CCNB3: variants seen among roughly 807,000 people sequenced by gnomAD.
CCNB3 encodes G2/mitotic-specific cyclin-B3.
A neutral mutation model predicts 68.0 loss-of-function variants in CCNB3; 12 were observed. The observed-to-expected ratio is 0.18, with a 90% CI of 0.11 to 0.29. The LOEUF (loss-of-function observed/expected upper bound fraction) is 0.29, where lower values mean the gene tolerates loss of function less well. Among genes scored for constraint, CCNB3 ranks in the 10% least tolerant of loss-of-function variants. CCNB3 has a pLI of 1.00. For missense variants in CCNB3, 904 were observed against 993.1 expected (o/e 0.91, Z 1.21); for synonymous variants, 354 against 388.9 (o/e 0.91, Z 1.06).
At chrX:50,305,298 A>G in intron 5 of CCNB3, among the ~76,000 whole-genome samples, 1 of 112,113 alleles carries the variant, frequency 8.9e-6, no homozygotes, top group Non-Finnish European at 1.9e-5. Context: ...AATGTGGCAT[A>G]TATACACCAT....
At position 50,308,686 on chromosome X, in the gene CCNB3, A is replaced by G. The variant is rs782168893; in HGVS notation, c.517A>G (p.Asn173Asp). The change falls in exon 6 of 13, where the codon AAT (asparagine) becomes GAT (aspartate). Residue 173 changes from asparagine to aspartate, a missense_variant. By Grantham distance (23) the Asn-to-Asp change is conservative. This residue lies in a region of CCNB3 where 619 missense variants were observed against 609.8 expected (regional missense o/e 1.02). Transcript: ENST00000376042. ...EPTIEDETLI[N>D]KSLSLKKCSN... Reference sequence around the variant, plus strand: ...CACTATTGAGGATGAAACCCTTATCAATAAGTCATTATCTTTAAAAAAGTG... The same window carrying G: ...CACTATTGAGGATGAAACCCTTATCGATAAGTCATTATCTTTAAAAAAGTG... 2.5e-6 allele frequency: 3 copies of G among 1,211,393 alleles called. No individual in the cohort carries two copies. The highest frequency in any genetic ancestry group is 5.9e-5 in the East Asian group (2 of 33,823).
In CCNB3 at chrX:50,310,050, A is replaced by C; in HGVS notation, c.1881A>C (p.Lys627Asn). Residue 627 changes from lysine (K) to asparagine (N), a missense_variant, in exon 6 of 13, where the codon AAA (lysine) becomes AAC (asparagine). Around this residue, in one of 2 missense-constraint regions of CCNB3, gnomAD observed 619 missense variants for 609.8 expected, o/e 1.02. Transcript: ENST00000376042. ...FYKKLLPFKM[K>N]STTEEKFLSQ... is the part of the protein sequence containing the mutation. ...AGAAGCTGTTGCCCTTTAAGATGAA[A>C]TCTACAACGGAAGAAAAGTTCCTCT... 8.3e-7 allele frequency: 1 copy of C among 1,209,375 alleles called. No individual in the cohort carries two copies. Among genetic ancestry groups the C allele is most frequent in the Admixed American group, 2.2e-5 (1 of 45,914 alleles).
intron 8 of CCNB3, among the ~76,000 whole-genome samples, chrX:50,320,421 A>G (rs782691811): frequency 9.1e-6 from 1 of 110,209 alleles, no homozygotes; most frequent in Non-Finnish European, 1.9e-5. Context: ...AGTTTTTCAT[A>G]GTGTTCCCTC....
chrX:50,291,403 A>G (rs1186976958), intron 4 of CCNB3, among the ~76,000 whole-genome samples: 5 of 111,714 alleles, frequency 4.5e-5, no homozygotes, highest in African/African-American at 1.6e-4. Context: ...CTGGGACTAC[A>G]GGTGATTGCC....
At chrX:50,341,371 A>ATAAG (rs1557219598) in intron 8 of CCNB3, among the ~76,000 whole-genome samples, 99 of 107,514 alleles carry the variant, frequency 9.2e-4, no homozygotes, top group Non-Finnish European at 1.7e-3. Flanking sequence ...AAATAAATAA[A>ATAAG]TAAGTAAAAA....
intron 5 of CCNB3, 120 bp downstream of exon 5, chrX:50,295,113 G>A: frequency 4.2e-6 from 3 of 714,744 alleles, no homozygotes; most frequent in Non-Finnish European, 4.0e-6. Context: ...AACCCTGGGT[G>A]CTGAGGTGGG....
At chrX:50,331,611 C>A (rs1429619761) in intron 8 of CCNB3, among the ~76,000 whole-genome samples, 1 of 111,628 alleles carries the variant, frequency 9.0e-6, no homozygotes, top group Non-Finnish European at 1.9e-5. Flanking sequence ...CCATTGGTCT[C>A]CCATTACAAT....
chrX:50,215,477 G>T (rs1935557260), intron 1 of CCNB3, among the ~76,000 whole-genome samples: 1 of 109,363 alleles, frequency 9.1e-6, no homozygotes. Context: ...TTTTGCGGGG[G>T]GATCGTGTTC....
chrX:50,226,214 A>ATATATATAGAATATATATATTTT (rs1935772979), intron 1 of CCNB3, among the ~76,000 whole-genome samples: 1 of 68,368 alleles, frequency 1.5e-5, no homozygotes, highest in African/African-American at 6.7e-5. Flanking sequence ...ATATATATTT[A>ATATATATAGAATATATATATTTT]TATATATAGA....
chrX:50,303,562 A>G (rs1202385395), intron 5 of CCNB3, among the ~76,000 whole-genome samples: 1 of 109,193 alleles, frequency 9.2e-6, no homozygotes, highest in Non-Finnish European at 1.9e-5. Flanking sequence ...TTATGTACTT[A>G]TTGGCTATTT....
chrX:50,226,516 T>C (rs1194226574), intron 1 of CCNB3, among the ~76,000 whole-genome samples: 7 of 69,609 alleles, frequency 1.0e-4, no homozygotes, highest in African/African-American at 4.2e-4. Flanking sequence ...ATATAGAATA[T>C]ATAGATATAT....
chrX:50,281,902 A>G (rs1936143879), intron 1 of CCNB3, among the ~76,000 whole-genome samples: 3 of 110,953 alleles, frequency 2.7e-5, no homozygotes, highest in Admixed American at 1.9e-4. Flanking sequence ...TTAACCCTTT[A>G]TCTTCACTGG....
At chrX:50,214,650 A>G (rs1935539665) in intron 1 of CCNB3, among the ~76,000 whole-genome samples, 1 of 100,443 alleles carries the variant, frequency 1.0e-5, no homozygotes, top group African/African-American at 3.5e-5. Flanking sequence ...AAAATATATA[A>G]TGAAATATAA....
chrX:50,208,936 T>G (rs1935426405), intron 1 of CCNB3, among the ~76,000 whole-genome samples: 1 of 112,013 alleles, frequency 8.9e-6, no homozygotes, highest in Admixed American at 9.5e-5. Flanking sequence ...ACTATTCAAA[T>G]GATATATTTC....
At chrX:50,336,121 C>G (rs1385940483) in intron 8 of CCNB3, among the ~76,000 whole-genome samples, 1 of 112,023 alleles carries the variant, frequency 8.9e-6, no homozygotes, top group Non-Finnish European at 1.9e-5. Flanking sequence ...GCCGGGTCCC[C>G]TTCAGTCTAA....
chrX:50,279,634 A>T (rs1349487262), intron 1 of CCNB3, among the ~76,000 whole-genome samples: 1 of 76,117 alleles, frequency 1.3e-5, no homozygotes, highest in Admixed American at 1.6e-4. Flanking sequence ...CTATGTAAAT[A>T]TATGAATATG....
rs957752611 is a variant in CCNB3 at position 50,219,256 on chromosome X, C to G, written c.-113+14306C>G. ...TCTTATGGTAGTTTATTTTGCTGTG[C>G]AGAAGCTCTTTAGTTTAATTAGATC... On this transcript the variant is annotated intron_variant, in intron 1 of 12. Transcript: ENST00000376042. Among the ~76,000 whole-genome samples, 51 of 111,813 alleles carry G rather than the reference C, an allele frequency of 4.6e-4. No homozygotes were observed. The South Asian group carries it at 0.012, about 26-fold the overall frequency.
intron 3 of CCNB3, among the ~76,000 whole-genome samples, chrX:50,286,613 G>GTT (rs369525241): frequency 6.6e-5 from 5 of 75,329 alleles, no homozygotes; most frequent in African/African-American, 5.2e-5. Context: ...CCTCAGTTCG[G>GTT]TTTTTTTTTT....
chrX:50,322,041 G>GTT (rs1371750293), intron 8 of CCNB3, among the ~76,000 whole-genome samples: 4 of 95,909 alleles, frequency 4.2e-5, no homozygotes, highest in Non-Finnish European at 8.4e-5. Flanking sequence ...TTTATTGCTA[G>GTT]TTTTTTTTTT....
Sources: allele counts gnomAD v4.1 joint callset (sites outside exome capture counted in the v4.1 genomes callset), GRCh38; gene constraint gnomAD v4.1.1; regional missense constraint gnomAD v4.1.1; transcripts MANE v1.5; gene names NCBI Gene and HGNC (gene_info 2026-07-23, HGNC 2026-07-21).